RANBP2: variants seen among roughly 807,000 people sequenced by gnomAD.
RANBP2 encodes E3 SUMO-protein ligase RanBP2.
A neutral mutation model predicts 303.6 loss-of-function variants in RANBP2; 57 were observed. That is an observed-to-expected ratio of 0.19 (90% CI 0.15 to 0.23). RANBP2 has a LOEUF of 0.23. Ranked by LOEUF, RANBP2 falls within the 10% of genes least tolerant of loss-of-function variation. The pLI, the probability that RANBP2 is intolerant of heterozygous loss-of-function variation, is 1.00. For synonymous variants in RANBP2, 1,167 were observed against 1,301.5 expected (o/e 0.90, Z 2.23); for missense variants, 3,138 against 3,780.8 (o/e 0.83, Z 4.46).
chr2:109,007,333 C>T, the RANBP2 span, among the ~76,000 whole-genome samples: 1 of 152,220 alleles, frequency 6.6e-6, no homozygotes, highest in Non-Finnish European at 1.5e-5. Flanking sequence ...TGGGAACACA[C>T]CTCCATCAGT....
chr2:108,878,015 A>AGTCAT, the RANBP2 span, among the ~76,000 whole-genome samples: 1 of 152,224 alleles, frequency 6.6e-6, no homozygotes, highest in Admixed American at 6.5e-5. Flanking sequence ...AGACAATGGA[A>AGTCAT]TGACAGCTTC....
the RANBP2 span, among the ~76,000 whole-genome samples, chr2:109,516,603 G>A: frequency 6.6e-6 from 1 of 152,200 alleles, no homozygotes; most frequent in Non-Finnish European, 1.5e-5. Flanking sequence ...CCACCCCAAC[G>A]CAAGGGAGGC....
the RANBP2 span, among the ~76,000 whole-genome samples, chr2:109,703,992 T>C: frequency 1.3e-5 from 2 of 152,186 alleles, no homozygotes; most frequent in African/African-American, 2.4e-5. Context: ...CTTCTCCCAC[T>C]GCCAATCACT....
the RANBP2 span, among the ~76,000 whole-genome samples, chr2:109,669,614 A>C: frequency 2.0e-5 from 3 of 152,208 alleles, no homozygotes; most frequent in Non-Finnish European, 4.4e-5. Flanking sequence ...AACGGCCACT[A>C]TGAACACCTC....
the RANBP2 span, among the ~76,000 whole-genome samples, chr2:108,988,335 G>T: frequency 6.6e-6 from 1 of 152,310 alleles, no homozygotes; most frequent in East Asian, 1.9e-4. Flanking sequence ...CTCCTGTCTA[G>T]GAGCCCAACC....
chr2:109,579,508 T>C, the RANBP2 span, among the ~76,000 whole-genome samples: 2 of 151,670 alleles, frequency 1.3e-5, no homozygotes, highest in Non-Finnish European at 2.9e-5. Context: ...CTCAGCCTCC[T>C]GAGTAGCTGG....
chr2:109,489,245 G>A, the RANBP2 span, among the ~76,000 whole-genome samples: 3 of 152,356 alleles, frequency 2.0e-5, no homozygotes, highest in African/African-American at 7.2e-5. Flanking sequence ...GGTCACCAAG[G>A]GTGATGGGGA....
chr2:108,857,622 T>G, the RANBP2 span, among the ~76,000 whole-genome samples: 3 of 152,206 alleles, frequency 2.0e-5, no homozygotes, highest in Non-Finnish European at 4.4e-5. Context: ...TCAACGTTTT[T>G]AGCTATTTGT....
the RANBP2 span, among the ~76,000 whole-genome samples, chr2:109,582,563 C>T: frequency 5.9e-5 from 9 of 152,140 alleles, no homozygotes; most frequent in Admixed American, 2.0e-4. Context: ...GCAAGCGATC[C>T]TCTCTCCTTG....
the RANBP2 span, among the ~76,000 whole-genome samples, chr2:109,345,462 C>T: frequency 6.6e-6 from 1 of 152,132 alleles, no homozygotes; most frequent in Non-Finnish European, 1.5e-5. Context: ...AAACAGCCAC[C>T]GAGTCTGTAG....
the RANBP2 span, chr2:109,398,494 G>A: frequency 2.7e-6 from 3 of 1,131,786 alleles, no homozygotes; most frequent in African/African-American, 1.5e-5. Context: ...TGCATTGCCA[G>A]TTTGTGAATG....
At chr2:109,437,601 C>T in the RANBP2 span, among the ~76,000 whole-genome samples, 1 of 152,204 alleles carries the variant, frequency 6.6e-6, no homozygotes, top group East Asian at 1.9e-4. Flanking sequence ...CCCAGCTAGG[C>T]GGCATCTCAC....
At chr2:108,994,044 C>T in the RANBP2 span, among the ~76,000 whole-genome samples, 1 of 152,178 alleles carries the variant, frequency 6.6e-6, no homozygotes, top group Admixed American at 6.5e-5. Context: ...AAAGACCCCA[C>T]CTCCAAATAC....
At chr2:109,518,682 A>G in the RANBP2 span, among the ~76,000 whole-genome samples, 1 of 152,148 alleles carries the variant, frequency 6.6e-6, no homozygotes, top group Non-Finnish European at 1.5e-5. Flanking sequence ...ATTCTCACAG[A>G]ATGTGTTTTG....
the RANBP2 span, chr2:109,449,294 G>A: frequency 1.2e-5 from 20 of 1,608,484 alleles, no homozygotes; most frequent in Non-Finnish European, 1.6e-5. Context: ...TGTCCCCGCA[G>A]CACAGCCACC....
At chr2:108,824,452 T>TA in the RANBP2 span, among the ~76,000 whole-genome samples, 1 of 152,160 alleles carries the variant, frequency 6.6e-6, no homozygotes, top group African/African-American at 2.4e-5. Context: ...GGATAATCAA[T>TA]ATCAGTGTCT....
chr2:108,960,176 G>A, the RANBP2 span, among the ~76,000 whole-genome samples: 1 of 152,128 alleles, frequency 6.6e-6, no homozygotes, highest in Admixed American at 6.5e-5. Flanking sequence ...AGTCTGGCCT[G>A]GGTGTCCTGG....
At chr2:109,697,017 A>T in the RANBP2 span, among the ~76,000 whole-genome samples, 1 of 152,146 alleles carries the variant, frequency 6.6e-6, no homozygotes, top group Non-Finnish European at 1.5e-5. Flanking sequence ...GACTCAAGCA[A>T]TCCTCCTGCC....
At chr2:109,532,780 T>G in the RANBP2 span, among the ~76,000 whole-genome samples, 1 of 151,904 alleles carries the variant, frequency 6.6e-6, no homozygotes, top group African/African-American at 2.4e-5. Context: ...TAAGGAAGTT[T>G]AGACTTAAAT....
Sources: gnomAD v4.1 joint callset for allele counts (sites outside exome capture counted in the v4.1 genomes callset) on GRCh38, gnomAD v4.1.1 for gene constraint, MANE v1.5 for transcripts, NCBI Gene and HGNC (gene_info 2026-07-23, HGNC 2026-07-21) for gene names.